The following ZNF146 variants were observed in gnomAD, a reference collection of about 807,000 sequenced individuals.
The protein encoded by ZNF146 is zinc finger protein 146.
Under a neutral mutation model 22.2 loss-of-function variants are expected in ZNF146, and 9 were observed. The observed-to-expected ratio is 0.41, with a 90% CI of 0.24 to 0.71. ZNF146 has a LOEUF of 0.71. ZNF146 is among the 30% of genes least tolerant of loss of function. The probability of loss-of-function intolerance (pLI) is 0.34; values close to 1 mark genes in which losing one functional copy is unlikely to be tolerated. For synonymous variants in ZNF146, 108 were observed against 119.2 expected (o/e 0.91, Z 0.61); for missense variants, 194 against 344.8 (o/e 0.56, Z 3.46).
Position 36,236,803 on chromosome 19 carries a change from T to A in ZNF146, c.363T>A (p.Thr121=). 6.2e-7 allele frequency: 1 copy of A among 1,614,066 alleles called. No homozygotes were observed. Among genetic ancestry groups the A allele is most frequent in the African/African-American group, 1.3e-5 (1 of 74,986 alleles). The change falls in exon 4 of 4, where the codon ACT becomes ACA. Residue 121 remains threonine, a synonymous_variant. Transcript: ENST00000443387. ...CAAACCTCATCAGACACCAGAGAAC[T>A]CACACAGGAGAGAAGCCCTTTGTAT... ...QKSNLIRHQR[T]HTGEKPFVCK... is the part of the protein sequence containing the mutation.
intron 2 of ZNF146, among the ~76,000 whole-genome samples, chr19:36,225,737 C>A (rs1388191722): frequency 1.3e-5 from 2 of 149,258 alleles, no homozygotes; most frequent in African/African-American, 4.9e-5. Flanking sequence ...CAAGCCCTGC[C>A]CCTGCTTTGT....
chr19:36,229,885 A>C (rs1977248074), intron 3 of ZNF146, among the ~76,000 whole-genome samples: 1 of 152,080 alleles, frequency 6.6e-6, no homozygotes. Flanking sequence ...ACACCTGGCT[A>C]ATTTTTGTAT....
chr19:36,230,752 T>C (rs536289124), intron 3 of ZNF146, among the ~76,000 whole-genome samples: 2 of 152,280 alleles, frequency 1.3e-5, no homozygotes, highest in South Asian at 4.1e-4. Flanking sequence ...GGTTTCAACA[T>C]TGATTCTGAG....
In ZNF146 at chr19:36,236,756, G is replaced by A. The variant is rs145747574; in HGVS notation, c.316G>A (p.Gly106Arg). The change falls in exon 4 of 4, where the codon GGG (glycine) becomes AGG (arginine). Residue 106 changes from glycine (G) to arginine (R), a missense_variant. By Grantham distance (125) the Gly-to-Arg change is moderately radical. Around this residue, in one of 2 missense-constraint regions of ZNF146, gnomAD observed 147 missense variants for 300.1 expected, o/e 0.49. Coordinates refer to ENST00000443387, the MANE Select transcript of ZNF146 (RefSeq NM_007145.3). ...AAAACCTTTTGAGTGTAAAGATTGC[G>A]GGAAAGCTTTCATTCAGAAGTCAAA... The part of the protein sequence containing the change: ...GEKPFECKDC[G>R]KAFIQKSNLI... 4.3e-6 allele frequency: 7 copies of A among 1,614,012 alleles called. No homozygotes were observed. Among genetic ancestry groups the A allele is most frequent in the African/African-American group, 1.3e-5 (1 of 74,914 alleles).
chr19:36,219,208 G>A (rs575751785), intron 2 of ZNF146, among the ~76,000 whole-genome samples: 1 of 152,156 alleles, frequency 6.6e-6, no homozygotes, highest in African/African-American at 2.4e-5. Context: ...CTCAGGCTGG[G>A]TGCACTGGTG....
At chr19:36,229,272 T>C (rs1037157872) in intron 3 of ZNF146, among the ~76,000 whole-genome samples, 1 of 152,242 alleles carries the variant, frequency 6.6e-6, no homozygotes, top group Admixed American at 6.5e-5. Flanking sequence ...TTCTCACTCA[T>C]CTCTGCCATC....
At chr19:36,228,158 CA>C (rs71171422) in intron 2 of ZNF146, among the ~76,000 whole-genome samples, 44,178 of 106,586 alleles carry the variant, frequency 0.41, 6,932 homozygotes, top group Middle Eastern at 0.53. Context: ...GAAACTGTCT[CA>C]AAAAAAAAAA....
intron 3 of ZNF146, among the ~76,000 whole-genome samples, chr19:36,233,533 C>T (rs1396793303): frequency 6.6e-6 from 1 of 151,916 alleles, no homozygotes; most frequent in East Asian, 1.9e-4. Context: ...CTTGAGTTCC[C>T]TTAGTATTTA....
chr19:36,235,395 T>C (rs1393186503), intron 3 of ZNF146, among the ~76,000 whole-genome samples: 1 of 152,208 alleles, frequency 6.6e-6, no homozygotes. Context: ...CCATGAATGT[T>C]AATTTTCTAC....
chr19:36,231,994 AGAGTTT>A (rs1977394691), intron 3 of ZNF146, among the ~76,000 whole-genome samples: 1 of 152,038 alleles, frequency 6.6e-6, no homozygotes, highest in African/African-American at 2.4e-5. Flanking sequence ...CCTGAGGTCA[AGAGTTT>A]GAGACTGGCC....
In ZNF146 at chr19:36,236,534, A is replaced by C; in HGVS notation, c.94A>C (p.Thr32Pro). ...GKVFSHKSNL[T>P]EHEHFHTREK... ...AGTCTTCAGCCACAAATCAAACCTCACTGAGCATGAGCATTTTCACACGAG... is the reference window on the plus strand; with the variant it reads ...AGTCTTCAGCCACAAATCAAACCTCCCTGAGCATGAGCATTTTCACACGAG... Residue 32 changes from threonine (T) to proline (P), a missense_variant, in exon 4 of 4, where the codon ACT (threonine) becomes CCT (proline). By Grantham distance (38) the Thr-to-Pro change is conservative. This residue lies in a region of ZNF146 where 47 missense variants were observed against 44.7 expected (regional missense o/e 1.05). Transcript: ENST00000443387. 1 of 1,614,164 alleles carries C rather than the reference A, an allele frequency of 6.2e-7. No individual in the cohort carries two copies. The highest frequency in any genetic ancestry group is 1.1e-5 in the South Asian group (1 of 91,078).
At position 36,236,410 on chromosome 19, in the gene ZNF146, AC is replaced by A; in HGVS notation, c.-29del. On this transcript the variant is annotated 5_prime_UTR_variant, in exon 4 of 4. It removes the in-frame stop codon of an upstream open reading frame in the 5' UTR. Transcript: ENST00000443387. Reference sequence around the variant, plus strand: ...ATCAAGAAATTTTTACTGGAGAGAAACCTTGTGAATGTGGGAAAGCTTCCAT... The same window carrying A: ...ATCAAGAAATTTTTACTGGAGAGAAACTTGTGAATGTGGGAAAGCTTCCAT... 2 of 1,559,334 alleles carry A rather than the reference AC, an allele frequency of 1.3e-6. No individual in the cohort carries two copies. Among genetic ancestry groups the A allele is most frequent in the Non-Finnish European group, 1.7e-6 (2 of 1,157,276 alleles).
chr19:36,218,552 G>C (rs1304489975), intron 2 of ZNF146, among the ~76,000 whole-genome samples: 1 of 149,886 alleles, frequency 6.7e-6, no homozygotes, highest in African/African-American at 2.5e-5. Flanking sequence ...TGCAGGCTCT[G>C]CCTCCCTGGT....
At position 36,236,412 on chromosome 19, in the gene ZNF146, C is replaced by A. The variant is rs780219995; in HGVS notation, c.-29C>A. On this transcript the variant is annotated 5_prime_UTR_variant, in exon 4 of 4. Transcript: ENST00000443387. ...CAAGAAATTTTTACTGGAGAGAAAC[C>A]TTGTGAATGTGGGAAAGCTTCCATT... 3.8e-6 allele frequency: 6 copies of A among 1,562,328 alleles called. No homozygotes were observed. The highest frequency in any genetic ancestry group is 5.2e-6 in the Non-Finnish European group (6 of 1,158,236).
intron 2 of ZNF146, among the ~76,000 whole-genome samples, chr19:36,226,096 C>T (rs1239629716): frequency 6.6e-6 from 1 of 152,174 alleles, no homozygotes; most frequent in East Asian, 1.9e-4. Context: ...CCTGTGTCTT[C>T]AGCAGCAGTA....
intron 3 of ZNF146, among the ~76,000 whole-genome samples, chr19:36,233,915 G>C (rs942242972): frequency 2.0e-5 from 3 of 146,652 alleles, no homozygotes; most frequent in African/African-American, 8.3e-5. Context: ...GACCCTTTAC[G>C]GGTGTCGGAC....
At chr19:36,226,252 C>T (rs73931515) in intron 2 of ZNF146, among the ~76,000 whole-genome samples, 3,601 of 152,270 alleles carry the variant, frequency 0.024, 164 homozygotes, top group African/African-American at 0.083. Context: ...AACTTGATCT[C>T]CCTCCTGCAA....
Position 36,237,487 on chromosome 19 carries a change from C to A in ZNF146, c.*168C>A. 2 of 748,446 alleles carry A rather than the reference C, an allele frequency of 2.7e-6. No homozygotes were observed. The highest frequency in any genetic ancestry group is 4.2e-6 in the Non-Finnish European group (2 of 481,206). The allele number at this position is 748,446 out of a possible 1,614,324, so 46.4% of individuals were successfully genotyped here. A position where few individuals can be genotyped will look rare whatever the true frequency, so the allele number is the denominator to read the frequency against. ...AATTTGTACTGAAGAGAAAGACATG[C>A]ATATGATTAAAACCCTGTGTCCAAC... On this transcript the variant is annotated 3_prime_UTR_variant, in exon 4 of 4. Transcript: ENST00000443387.
chr19:36,219,925 C>CT (rs989535564), intron 2 of ZNF146, among the ~76,000 whole-genome samples: 7 of 152,068 alleles, frequency 4.6e-5, no homozygotes, highest in South Asian at 2.1e-4. Context: ...CAAATTGTAT[C>CT]TTTTTTTCCC....
Sources: gnomAD v4.1 joint callset for allele counts (sites outside exome capture counted in the v4.1 genomes callset) on GRCh38, gnomAD v4.1.1 for gene constraint, gnomAD v4.1.1 regional missense constraint, MANE v1.5 for transcripts, NCBI Gene and HGNC (gene_info 2026-07-23, HGNC 2026-07-21) for gene names.